The following FGF13 variants were observed in gnomAD, a reference collection of about 807,000 sequenced individuals.
FGF13 encodes the protein fibroblast growth factor homologous factor 2.
In FGF13, 2 loss-of-function variants were observed where a neutral mutation model predicts 19.5. The observed-to-expected ratio is 0.10, with a 90% CI of 0.04 to 0.32. The LOEUF (loss-of-function observed/expected upper bound fraction) is 0.32. Among genes scored for constraint, FGF13 ranks in the 10% least tolerant of loss-of-function variants. The pLI is 1.00. For missense variants in FGF13, 113 were observed against 192.7 expected (o/e 0.59, Z 2.45); for synonymous variants, 72 against 76.9 (o/e 0.94, Z 0.33).
At chrX:138,877,248 T>C (rs1280382858) in intron 1 of FGF13, among the ~76,000 whole-genome samples, 2 of 107,017 alleles carry the variant, frequency 1.9e-5, no homozygotes. Flanking sequence ...TAAGAAGAAA[T>C]GAAGAAAAAA....
intron 3 of FGF13, among the ~76,000 whole-genome samples, chrX:138,838,180 G>A (rs1224389232): frequency 2.7e-5 from 3 of 111,940 alleles, no homozygotes; most frequent in Non-Finnish European, 5.6e-5. Context: ...AAACCAGTGG[G>A]TCTTATCCTG....
At chrX:138,679,238 C>T (rs1356272365) in intron 3 of FGF13, among the ~76,000 whole-genome samples, 4 of 109,996 alleles carry the variant, frequency 3.6e-5, no homozygotes, top group East Asian at 2.9e-4. Flanking sequence ...CACCACACCC[C>T]GCTAATTTTT....
chrX:139,115,847 G>T (rs769015442), intron 1 of FGF13, among the ~76,000 whole-genome samples: 4 of 112,481 alleles, frequency 3.6e-5, no homozygotes, highest in African/African-American at 1.3e-4. Flanking sequence ...TGTATGTTTG[G>T]TTCACCATCT....
chrX:138,932,762 G>T (rs1456466952), intron 1 of FGF13, among the ~76,000 whole-genome samples: 2 of 104,701 alleles, frequency 1.9e-5, no homozygotes, highest in African/African-American at 7.1e-5. Flanking sequence ...TTTTAAGTTG[G>T]TTTGCTTCTT....
chrX:138,857,552 C>T, exon 3 of FGF13: 1 of 1,206,755 alleles, frequency 8.3e-7, no homozygotes, highest in Non-Finnish European at 1.1e-6. Flanking sequence ...CTTGCTTCAG[C>T]GGGCAGCAGA....
intron 1 of FGF13, among the ~76,000 whole-genome samples, chrX:138,871,666 A>T: frequency 8.9e-6 from 1 of 112,362 alleles, no homozygotes; most frequent in East Asian, 2.8e-4. Flanking sequence ...GGCTGGAGGA[A>T]GTGCGGAAGG....
intron 1 of FGF13, among the ~76,000 whole-genome samples, chrX:138,985,873 C>T (rs1350128966): frequency 8.9e-6 from 1 of 111,803 alleles, no homozygotes; most frequent in African/African-American, 3.3e-5. Flanking sequence ...TAAAATTAAA[C>T]GTGACTTTTT....
intron 1 of FGF13, among the ~76,000 whole-genome samples, chrX:139,164,688 C>CAAATAAATAAATAAATAAAT (rs778262336): frequency 1.2e-3 from 111 of 92,567 alleles, no homozygotes; most frequent in Admixed American, 4.5e-3. Flanking sequence ...GACCTTGTCT[C>CAAATAAATAAATAAATAAAT]AAATAAATAA....
intron 1 of FGF13, among the ~76,000 whole-genome samples, chrX:138,985,743 T>C (rs1392787580): frequency 8.9e-6 from 1 of 112,356 alleles, no homozygotes; most frequent in Admixed American, 9.4e-5. Context: ...CTCAAACTAT[T>C]GTTGTTAGAA....
upstream of FGF13, among the ~76,000 whole-genome samples, chrX:138,712,443 T>C (rs2124258937): frequency 9.0e-6 from 1 of 111,546 alleles, no homozygotes; most frequent in African/African-American, 3.3e-5. Flanking sequence ...CTATTTAAGC[T>C]GTGGCCCATC....
intron 1 of FGF13, among the ~76,000 whole-genome samples, chrX:139,150,527 G>A (rs2083926360): frequency 9.0e-6 from 1 of 111,637 alleles, no homozygotes; most frequent in African/African-American, 3.3e-5. Context: ...GGTGGCTTGG[G>A]ATTCTTTTCA....
At position 138,864,183 on chromosome X, in the gene FGF13, C is replaced by A. The variant is rs761971095; in HGVS notation, c.-39+394G>T. 3.6e-5 allele frequency among the ~76,000 whole-genome samples: 4 copies of A among 112,269 alleles called. No individual in the cohort carries two copies. The East Asian group carries it at 8.5e-4, about 24-fold the overall frequency. ...GGTAAAGTCCCTTTGTCCTACAAAC[C>A]TCTTTGTGAAGAGTTAGCTCCAATC... On this transcript the variant is annotated intron_variant, in intron 2 of 2. Coordinates refer to the FGF13 transcript ENST00000421460.
chrX:138,973,429 C>T (rs148002191), intron 1 of FGF13, among the ~76,000 whole-genome samples: 3,192 of 111,709 alleles, frequency 0.029, 128 homozygotes, highest in African/African-American at 0.098. Context: ...ATGACCTATC[C>T]TGGAGAATGT....
chrX:139,007,849 C>T (rs1164131781), intron 1 of FGF13, among the ~76,000 whole-genome samples: 2 of 112,325 alleles, frequency 1.8e-5, no homozygotes, highest in East Asian at 2.8e-4. Flanking sequence ...CGTGAAACAC[C>T]GAAAAACTGT....
At chrX:138,844,277 G>A (rs187322103) in intron 3 of FGF13, among the ~76,000 whole-genome samples, 101 of 111,887 alleles carry the variant, frequency 9.0e-4, no homozygotes, top group African/African-American at 3.1e-3. Context: ...AAAAATTACC[G>A]AGCAAGCTTA....
intron 1 of FGF13, among the ~76,000 whole-genome samples, chrX:139,137,717 C>T (rs2083811653): frequency 8.9e-6 from 1 of 112,493 alleles, no homozygotes; most frequent in Admixed American, 9.4e-5. Context: ...CTGGCACCCA[C>T]TGATGGAGTT....
rs188305571 is a variant in FGF13, at chrX:138,621,805, C to A, written c.*11045G>T. The A allele has an allele frequency of 1.8e-5, 2 of 110,986 alleles. 1 individual carries two copies. Among genetic ancestry groups the A allele is most frequent in the African/African-American group, 6.5e-5 (2 of 30,586 alleles). The allele number at this position is 110,986 out of a possible 1,213,427, so 9.1% of individuals were successfully genotyped here. The stretch of plus-strand genomic sequence containing the variant: ...TAGAAATATAAATGATCATTAGAGA[C>A]TATTATGAACAATTATACACAAGTT... On this transcript the variant is annotated 3_prime_UTR_variant, in exon 5 of 5. Coordinates refer to ENST00000315930, the MANE Select transcript of FGF13 (RefSeq NM_004114.5).
intron 3 of FGF13, among the ~76,000 whole-genome samples, chrX:138,840,265 C>T (rs2124106927): frequency 8.9e-6 from 1 of 111,980 alleles, no homozygotes; most frequent in East Asian, 2.8e-4. Context: ...ATCAGCAGTG[C>T]TGATTCTATG....
At chrX:138,826,799 C>A in intron 3 of FGF13, among the ~76,000 whole-genome samples, 1 of 112,298 alleles carries the variant, frequency 8.9e-6, no homozygotes, top group East Asian at 2.8e-4. Context: ...CTTTATAAAT[C>A]CAAATACTCA....
Sources: allele counts gnomAD v4.1 joint callset (sites outside exome capture counted in the v4.1 genomes callset), GRCh38; gene constraint gnomAD v4.1.1; transcripts MANE v1.5; gene names NCBI Gene and HGNC (gene_info 2026-07-23, HGNC 2026-07-21).